DMPK: variants seen among roughly 807,000 people sequenced by gnomAD.
DMPK encodes myotonin-protein kinase.
A neutral mutation model predicts 70.3 loss-of-function variants in DMPK; 32 were observed. That is an observed-to-expected ratio of 0.46 (90% CI 0.34 to 0.61). DMPK has a LOEUF of 0.61. Ranked by LOEUF, DMPK falls within the 20% of genes least tolerant of loss-of-function variation. DMPK has a pLI of 0.01. For missense variants in DMPK, 899 were observed against 886.0 expected (o/e 1.01, Z -0.19); for synonymous variants, 469 against 390.9 (o/e 1.20, Z -2.36).
intron 8 of DMPK, among the ~76,000 whole-genome samples, chr19:45,775,565 G>C (rs1322106050): frequency 1.8e-5 from 2 of 109,356 alleles, no homozygotes; most frequent in African/African-American, 3.1e-5. Context: ...CCAGCCTAGA[G>C]TGCAGTGGCA....
chr19:45,780,589 G>A, intron 1 of DMPK: 6 of 1,025,204 alleles, frequency 5.9e-6, no homozygotes, highest in Non-Finnish European at 7.0e-6. Context: ...ACCAGCTGGG[G>A]TGGAGGCTTG....
intron 8 of DMPK, among the ~76,000 whole-genome samples, chr19:45,775,481 C>G (rs1470377352): frequency 2.0e-5 from 1 of 50,742 alleles, no homozygotes; most frequent in East Asian, 1.2e-3. Flanking sequence ...TCCCAAAGTG[C>G]TGGGATTACA....
chr19:45,781,305 G>C (rs796351767), intron 1 of DMPK, among the ~76,000 whole-genome samples: 1 of 152,208 alleles, frequency 6.6e-6, no homozygotes, highest in Non-Finnish European at 1.5e-5. Flanking sequence ...CAGTGAGCCC[G>C]AGTCCTGGGC....
chr19:45,779,370 C>A lies in DMPK; in HGVS notation c.337-11G>T. The A allele has an allele frequency of 6.2e-7, 1 of 1,614,044 alleles. No homozygotes were observed. The highest frequency in any genetic ancestry group is 8.5e-7 in the Non-Finnish European group (1 of 1,179,994). ...ACGGAAGCACGACACCTGCAGGGCACCCGGAGGAGCTGCAGCCGGAGACGG... is the reference window on the plus strand; with the variant it reads ...ACGGAAGCACGACACCTGCAGGGCAACCGGAGGAGCTGCAGCCGGAGACGG... On this transcript the variant is annotated splice_polypyrimidine_tract_variant and intron_variant, in intron 3 of 14. Transcript: ENST00000291270.
chr19:45,779,220 C>T (rs375801671), intron 4 of DMPK, 44 bp downstream of exon 4: 148 of 1,585,614 alleles, frequency 9.3e-5, no homozygotes, highest in Non-Finnish European at 1.1e-4. Flanking sequence ...AGTGACAGCA[C>T]GGGCTCTTGT....
rs541595046 is a variant in DMPK at position 45,777,193 on chromosome 19, T to C, written c.1146+134A>G. 484 of 1,281,398 alleles carry C rather than the reference T, an allele frequency of 3.8e-4. 1 individual carries two copies. The African/African-American group carries it at 6.7e-3, about 18-fold the overall frequency. 79.4% of individuals were successfully genotyped at this position (1,281,398 alleles called of 1,614,324 possible). On this transcript the variant is annotated intron_variant, in intron 8 of 14. Transcript: ENST00000291270. This position sits in a 1 kb window ranked among gnomAD's most constrained non-coding sequence, Gnocchi z 6.7. The stretch of plus-strand genomic sequence containing the variant: ...TAGGTCACTGCTGGGTCCTCAGTAG[T>C]AGATGGGCACAGAGCAGGTGCTCTG...
chr19:45,774,066 G>T (rs1969634980), intron 9 of DMPK, among the ~76,000 whole-genome samples: 1 of 147,698 alleles, frequency 6.8e-6, no homozygotes, highest in Non-Finnish European at 1.5e-5. Flanking sequence ...TGATTCTCCT[G>T]CCTCAGCCTC....
chr19:45,778,515 G>A lies in DMPK; in HGVS notation c.559C>T (p.His187Tyr). ...CACCTGTGCACGTAGCCAAGCCGGT[G>A]CACCGAGTCTATGGCCATGACAATC... ...AEIVMAIDSV[H>Y]RLGYVHRDIK... is the part of the protein sequence containing the mutation. The change falls in exon 5 of 15, where the codon CAC (histidine) becomes TAC (tyrosine). Residue 187 changes from histidine (H) to tyrosine (Y), a missense_variant. His to Tyr is a moderately conservative substitution (Grantham distance 83, BLOSUM62 2). Transcript: ENST00000291270. 6.2e-7 allele frequency: 1 copy of A among 1,613,822 alleles called. No individual in the cohort carries two copies. The highest frequency in any genetic ancestry group is 8.5e-7 in the Non-Finnish European group (1 of 1,180,000).
intron 2 of DMPK, 114 bp downstream of exon 2, chr19:45,779,664 C>A (rs1904937086): frequency 1.3e-6 from 2 of 1,550,496 alleles, no homozygotes; most frequent in Non-Finnish European, 1.7e-6. Flanking sequence ...GCCCCGCCTC[C>A]AGCCCAGCCC....
rs73044281 is a variant in DMPK, at chr19:45,773,224, C to T, written c.1233-472G>A. ...ACTCAGCTGTGGGAAGGGGACAGCT[C>T]CTCCCTGGGGTATGAAGTGGCTGTC... On this transcript the variant is annotated intron_variant, in intron 9 of 14. Coordinates refer to ENST00000291270, the MANE Select transcript of DMPK (RefSeq NM_004409.5). 6.2e-3 allele frequency among the ~76,000 whole-genome samples: 938 copies of T among 152,288 alleles called. 6 individuals carry two copies. Among genetic ancestry groups the T allele is most frequent in the Middle Eastern group, 0.037 (11 of 294 alleles).
Position 45,777,414 on chromosome 19 carries a change from G to A in DMPK, c.1059C>T (p.Pro353=), listed in dbSNP as rs1450424337. Reference sequence around the variant, plus strand: ...TGGCACCTTCGAAATCCGGTGTAAAGGGGGGCACGCTGTCCCGGAGACCAT... The same window carrying A: ...TGGCACCTTCGAAATCCGGTGTAAAAGGGGGCACGCTGTCCCGGAGACCAT... ...DWDGLRDSVP[P]FTPDFEGATD... is the part of the protein sequence containing the mutation. The change falls in exon 8 of 15, where the codon CCC becomes CCT. Residue 353 remains proline, a synonymous_variant. Coordinates refer to ENST00000291270, the MANE Select transcript of DMPK (RefSeq NM_004409.5). The surrounding 1 kb of genome is among the most constrained non-coding windows in gnomAD (Gnocchi z 6.7). The A allele has an allele frequency of 4.3e-6, 7 of 1,613,144 alleles. No individual in the cohort carries two copies. In the East Asian group the frequency reaches 1.3e-4, roughly 31 times the overall value.
chr19:45,778,449 G>A (rs376141910), intron 5 of DMPK, 44 bp downstream of exon 5: 2 of 1,599,770 alleles, frequency 1.3e-6, no homozygotes, highest in Non-Finnish European at 1.7e-6. Context: ...CAAGAACCCG[G>A]CCAGGGAACA....
chr19:45,771,253 G>C (rs547657762), intron 13 of DMPK, 97 bp downstream of exon 13: 1 of 1,480,162 alleles, frequency 6.8e-7, no homozygotes, highest in African/African-American at 1.4e-5. Flanking sequence ...CAAAGACGTA[G>C]GGTGAGCCCT....
chr19:45,780,016 A>G (rs1206145089), intron 1 of DMPK, 147 bp from the exon 2 acceptor site: 5 of 1,552,844 alleles, frequency 3.2e-6, no homozygotes, highest in Non-Finnish European at 2.6e-6. Flanking sequence ...GCTTCCCCAC[A>G]TAAACACCGT....
At chr19:45,771,710 G>GA in intron 11 of DMPK, 45 bp from the exon 12 acceptor site, 1 of 1,611,424 alleles carries the variant, frequency 6.2e-7, no homozygotes, top group Non-Finnish European at 8.5e-7. Context: ...CCGGACGAGA[G>GA]GGGATGCCAA....
intron 13 of DMPK, 120 bp from the exon 14 acceptor site, chr19:45,771,180 C>G (rs1173193364): frequency 8.6e-7 from 1 of 1,169,550 alleles, no homozygotes; most frequent in Non-Finnish European, 1.2e-6. Context: ...CGGAGGGAAT[C>G]TGGTGAGGCC....
rs374895405 is a variant in DMPK, at chr19:45,777,654, C to T, written c.882+13G>A. 2.4e-5 allele frequency: 39 copies of T among 1,613,710 alleles called. No homozygotes were observed. The South Asian group carries it at 2.7e-4, about 11-fold the overall frequency. On this transcript the variant is annotated intron_variant, in intron 7 of 14. Coordinates refer to ENST00000291270, the MANE Select transcript of DMPK (RefSeq NM_004409.5). This position sits in a 1 kb window ranked among gnomAD's most constrained non-coding sequence, Gnocchi z 6.7. ...TACCGGGAGAGGCCAGGTCTCCCTGCGGCCGTGCTCACCTTGTAGTGGACG... is the reference window on the plus strand; with the variant it reads ...TACCGGGAGAGGCCAGGTCTCCCTGTGGCCGTGCTCACCTTGTAGTGGACG...
At chr19:45,770,898 G>T in intron 14 of DMPK, 73 bp downstream of exon 14, 1 of 1,203,140 alleles carries the variant, frequency 8.3e-7, no homozygotes, top group Non-Finnish European at 1.1e-6. Flanking sequence ...CAAATGCGCA[G>T]CTAAGCGGGT....
At chr19:45,780,098 C>A (rs1970035635) in intron 1 of DMPK, 4 of 1,486,496 alleles carry the variant, frequency 2.7e-6, no homozygotes, top group Non-Finnish European at 2.7e-6. Context: ...CGGGACAGGG[C>A]ATTGGCCCAG....
Sources: gnomAD v4.1 joint callset for allele counts (sites outside exome capture counted in the v4.1 genomes callset) on GRCh38, gnomAD v4.1.1 for gene constraint, Gnocchi (gnomAD v3.1) non-coding constraint, MANE v1.5 for transcripts, NCBI Gene and HGNC (gene_info 2026-07-23, HGNC 2026-07-21) for gene names.